PLEKHB1: variants seen among roughly 807,000 people sequenced by gnomAD.
PLEKHB1 encodes the protein pleckstrin homology domain containing B1, also known as pleckstrin homology domain-containing family B member 1.
Under a neutral mutation model 36.2 loss-of-function variants are expected in PLEKHB1, and 29 were observed. The observed-to-expected ratio is 0.80, with a 90% CI of 0.60 to 1.09. The LOEUF is 1.09. Ranked by LOEUF, PLEKHB1 falls within the 50% of genes least tolerant of loss-of-function variation. The pLI is 0.00. For missense variants in PLEKHB1, 330 were observed against 348.2 expected (o/e 0.95, Z 0.42); for synonymous variants, 138 against 140.0 (o/e 0.99, Z 0.10).
chr11:73,655,926 C>T lies in PLEKHB1; in HGVS notation c.495+19C>T. 6.2e-7 allele frequency: 1 copy of T among 1,606,172 alleles called. No homozygotes were observed. Reference sequence around the variant, plus strand: ...GATCTGGGTAAGTGCTGGCTCGGCCCTCCCTGCCTCCATACTGGCCACCAG... The same window carrying T: ...GATCTGGGTAAGTGCTGGCTCGGCCTTCCCTGCCTCCATACTGGCCACCAG... On this transcript the variant is annotated intron_variant, in intron 6 of 7. Coordinates refer to ENST00000354190, the MANE Select transcript of PLEKHB1 (RefSeq NM_021200.3).
rs374424168 is a variant in PLEKHB1 at position 73,655,921 on chromosome 11, C to T, written c.495+14C>T. On this transcript the variant is annotated intron_variant, in intron 6 of 7. Transcript: ENST00000354190. Reference sequence around the variant, plus strand: ...AGGCGGATCTGGGTAAGTGCTGGCTCGGCCCTCCCTGCCTCCATACTGGCC... The same window carrying T: ...AGGCGGATCTGGGTAAGTGCTGGCTTGGCCCTCCCTGCCTCCATACTGGCC... The T allele has an allele frequency of 2.0e-5, 33 of 1,610,754 alleles. No individual in the cohort carries two copies. The highest frequency in any genetic ancestry group is 9.9e-5 in the South Asian group (9 of 91,008).
In PLEKHB1 at chr11:73,662,249, G is replaced by A. The variant is rs923881950; in HGVS notation, c.*647G>A. 6.6e-6 allele frequency: 1 copy of A among 152,266 alleles called. No homozygotes were observed. The highest frequency in any genetic ancestry group is 6.5e-5 in the Admixed American group (1 of 15,278). The allele number at this position is 152,266 out of a possible 1,614,324, so 9.4% of individuals were successfully genotyped here. The stretch of plus-strand genomic sequence containing the variant: ...AGGGGAGATGTGAGCCTTCTCTGGA[G>A]GGAAGTTTCATGATTGCATCTATAA... On this transcript the variant is annotated 3_prime_UTR_variant, in exon 8 of 8. Transcript: ENST00000354190.
At chr11:73,655,941 C>T in intron 6 of PLEKHB1, 34 bp downstream of exon 6, 1 of 1,583,140 alleles carries the variant, frequency 6.3e-7, no homozygotes. Flanking sequence ...TGCCTCCATA[C>T]TGGCCACCAG....
chr11:73,649,026 C>A lies in PLEKHB1; in HGVS notation c.33C>A (p.Ser11=). ...TCCTCTGACAGGTCCCGCCTGACTC[C>A]GCTCTGGAAAGTCCTTTTGAAGAAA... MSPAAPVPPD[S]ALESPFEEMA... Residue 11 remains serine, a synonymous_variant, in exon 2 of 8, where the codon TCC becomes TCA. Coordinates refer to ENST00000354190, the MANE Select transcript of PLEKHB1 (RefSeq NM_021200.3). 1 of 1,597,354 alleles carries A rather than the reference C, an allele frequency of 6.3e-7. No individual in the cohort carries two copies. The highest frequency in any genetic ancestry group is 2.3e-5 in the East Asian group (1 of 44,188).
chr11:73,660,931 C>A, intron 7 of PLEKHB1, 79 bp downstream of exon 7: 2 of 1,280,662 alleles, frequency 1.6e-6, no homozygotes, highest in Non-Finnish European at 1.1e-6. Flanking sequence ...GTCCGTAAGT[C>A]CGGACCAGGC....
Position 73,661,309 on chromosome 11 carries a change from G to A in PLEKHB1, c.596-157G>A, listed in dbSNP as rs1945111639. ...TCCAAGGCCTGGGAGCCGTAGGGTG[G>A]AGCTCTTCCCGCGTCTAGATCTGTT... On this transcript the variant is annotated intron_variant, in intron 7 of 7. Transcript: ENST00000354190. The surrounding 1 kb of genome is among the most constrained non-coding windows in gnomAD (Gnocchi z 4.6). Among the ~76,000 whole-genome samples the A allele has an allele frequency of 6.6e-6, 1 of 152,238 alleles. No individual in the cohort carries two copies. The highest frequency in any genetic ancestry group is 1.5e-5 in the Non-Finnish European group (1 of 68,044).
chr11:73,651,178 C>CAAACATTTT (rs1944883509), intron 3 of PLEKHB1, among the ~76,000 whole-genome samples: 1 of 151,442 alleles, frequency 6.6e-6, no homozygotes, highest in South Asian at 2.1e-4. Flanking sequence ...GGCAAAACCC[C>CAAACATTTT]GTCTCTACCA....
chr11:73,651,199 A>T (rs571955864), intron 3 of PLEKHB1, among the ~76,000 whole-genome samples: 72 of 151,854 alleles, frequency 4.7e-4, no homozygotes, highest in African/African-American at 1.7e-3. Context: ...AAACAAAAAC[A>T]AACAAAAATT....
chr11:73,659,940 G>A (rs2134829340), intron 6 of PLEKHB1, among the ~76,000 whole-genome samples: 1 of 152,282 alleles, frequency 6.6e-6, no homozygotes, highest in East Asian at 1.9e-4. Flanking sequence ...ACAATTTTGG[G>A]TCAATGATGG....
rs534758793 is a variant in PLEKHB1, at chr11:73,653,086, G to A, written c.390+72G>A. 21 of 1,463,700 alleles carry A rather than the reference G, an allele frequency of 1.4e-5. No homozygotes were observed. The East Asian group carries it at 1.9e-4, about 13-fold the overall frequency. 90.7% of individuals were successfully genotyped at this position (1,463,700 alleles called of 1,614,324 possible). A position where few individuals can be genotyped will look rare whatever the true frequency, so the allele number is the denominator to read the frequency against. On this transcript the variant is annotated intron_variant, in intron 5 of 7. Coordinates refer to ENST00000354190, the MANE Select transcript of PLEKHB1 (RefSeq NM_021200.3). ...ATGGAATCATGAGTGACTCAGACTC[G>A]GTCTCCACCTGCCAGAAGTTCTCAG...
chr11:73,650,530 A>G, intron 2 of PLEKHB1, 23 bp from the exon 3 acceptor site: 1 of 1,591,848 alleles, frequency 6.3e-7, no homozygotes, highest in South Asian at 1.1e-5. Context: ...CAGCCTGCCT[A>G]GTGCATCTGG....
intron 2 of PLEKHB1, among the ~76,000 whole-genome samples, chr11:73,650,220 CAGAG>C (rs1364162963): frequency 6.6e-5 from 10 of 152,006 alleles, no homozygotes; most frequent in African/African-American, 2.2e-4. Context: ...GTCTCAAAGA[CAGAG>C]AGAGAGAAGA....
intron 2 of PLEKHB1, 68 bp downstream of exon 2, chr11:73,649,155 G>A: frequency 3.3e-6 from 5 of 1,529,814 alleles, no homozygotes; most frequent in African/African-American, 1.4e-5. Flanking sequence ...TTGCCACGGG[G>A]AACACTTCTC....
chr11:73,648,542 C>G, intron 1 of PLEKHB1: 9 of 856,198 alleles, frequency 1.1e-5, no homozygotes, highest in Non-Finnish European at 1.3e-5. Flanking sequence ...CATCCATTGC[C>G]GTGATTCTAA....
chr11:73,655,028 T>C (rs1331498953), intron 5 of PLEKHB1, among the ~76,000 whole-genome samples: 1 of 152,188 alleles, frequency 6.6e-6, no homozygotes, highest in Non-Finnish European at 1.5e-5. Context: ...CAGGCTACCC[T>C]GGCTCTGAGC....
chr11:73,649,014 C>A lies in PLEKHB1; in HGVS notation c.21C>A (p.Val7=). The A allele has an allele frequency of 6.3e-7, 1 of 1,591,220 alleles. No individual in the cohort carries two copies. The highest frequency in any genetic ancestry group is 1.1e-5 in the South Asian group (1 of 87,260). The change falls in exon 2 of 8, where the codon GTC becomes GTA. Residue 7 remains valine (V), a splice_region_variant and synonymous_variant. Transcript: ENST00000354190. MSPAAP[V]PPDSALESPF... ...GTCTCCCGTGGCTCCTCTGACAGGT[C>A]CCGCCTGACTCCGCTCTGGAAAGTC...
chr11:73,661,796 A>G lies in PLEKHB1; in HGVS notation c.*194A>G. On this transcript the variant is annotated 3_prime_UTR_variant, in exon 8 of 8. Coordinates refer to ENST00000354190, the MANE Select transcript of PLEKHB1 (RefSeq NM_021200.3). This position sits in a 1 kb window ranked among gnomAD's most constrained non-coding sequence, Gnocchi z 4.6. ...GGGAAGAAGCTATCATCACAGGTACAAACATCGCTTGAAGTCTTCACATCT... is the reference window on the plus strand; with the variant it reads ...GGGAAGAAGCTATCATCACAGGTACGAACATCGCTTGAAGTCTTCACATCT... 1 of 665,874 alleles carries G rather than the reference A, an allele frequency of 1.5e-6. No homozygotes were observed. The highest frequency in any genetic ancestry group is 2.3e-5 in the South Asian group (1 of 43,168). 41.2% of individuals were successfully genotyped at this position (665,874 alleles called of 1,614,324 possible). A position where few individuals can be genotyped will look rare whatever the true frequency, so the allele number is the denominator to read the frequency against.
At position 73,648,049 on chromosome 11, in the gene PLEKHB1, T is replaced by G. The variant is rs971056834; in HGVS notation, c.19-963T>G. The G allele has an allele frequency of 9.7e-6, 9 of 928,828 alleles. No homozygotes were observed. The Admixed American group carries it at 3.1e-4, about 32-fold the overall frequency. The allele number at this position is 928,828 out of a possible 1,614,324, so 57.5% of individuals were successfully genotyped here. A position where few individuals can be genotyped will look rare whatever the true frequency, so the allele number is the denominator to read the frequency against. Reference sequence around the variant, plus strand: ...AGTTTGTCCATCTGTAAAACAGGAGTAAGGATTCCCTTCCTAACAGGGTTA... The same window carrying G: ...AGTTTGTCCATCTGTAAAACAGGAGGAAGGATTCCCTTCCTAACAGGGTTA... On this transcript the variant is annotated intron_variant, in intron 1 of 7. Transcript: ENST00000354190.
chr11:73,653,046 C>A, intron 5 of PLEKHB1, 32 bp downstream of exon 5: 1 of 1,594,532 alleles, frequency 6.3e-7, no homozygotes, highest in South Asian at 1.1e-5. Flanking sequence ...CCTTTCCCCA[C>A]CACCTCCATG....
Sources: allele counts gnomAD v4.1 joint callset (sites outside exome capture counted in the v4.1 genomes callset), GRCh38; gene constraint gnomAD v4.1.1; non-coding constraint Gnocchi (gnomAD v3.1); transcripts MANE v1.5; gene names NCBI Gene and HGNC (gene_info 2026-07-23, HGNC 2026-07-21).